Variants in MMP17 observed in about 807,000 individuals in gnomAD.
MMP17 encodes matrix metalloproteinase-17.
A neutral mutation model predicts 49.1 loss-of-function variants in MMP17; 54 were observed. The observed-to-expected ratio is 1.10, with a 90% confidence interval of 0.88 to 1.38. The LOEUF (loss-of-function observed/expected upper bound fraction) is 1.38, where lower values mean the gene tolerates loss of function less well. Among genes scored for constraint, MMP17 ranks in the 40% most tolerant of loss-of-function variants. MMP17 has a pLI of 0.00. For synonymous variants in MMP17, 397 were observed against 383.1 expected (o/e 1.04, Z -0.42); for missense variants, 837 against 853.7 (o/e 0.98, Z 0.24).
Position 131,828,618 on chromosome 12 carries a change from C to T in MMP17, c.124C>T (p.Pro42Ser), listed in dbSNP as rs1213705387. 2.4e-6 allele frequency: 2 copies of T among 820,392 alleles called. No homozygotes were observed. The highest frequency in any genetic ancestry group is 3.0e-6 in the Non-Finnish European group (2 of 659,848). The allele number at this position is 820,392 out of a possible 1,614,324, so 50.8% of individuals were successfully genotyped here. Reference sequence around the variant, plus strand: ...CCGCGGGGGCTGCGCCGCGCCCGCACCCGCGCCGCGCGCCGAGGACCTCAG... The same window carrying T: ...CCGCGGGGGCTGCGCCGCGCCCGCATCCGCGCCGCGCGCCGAGGACCTCAG... Reference protein sequence around the residue: ...GTRGGCAAPAPAPRAEDLSLG... With the variant: ...GTRGGCAAPASAPRAEDLSLG... The change falls in exon 1 of 10, where the codon CCC (proline) becomes TCC (serine). Residue 42 changes from proline (P) to serine (S), a missense_variant. By Grantham distance (74) the Pro-to-Ser change is moderately conservative. Transcript: ENST00000360564.
At position 131,831,179 on chromosome 12, in the gene MMP17, C is replaced by T. The variant is rs559264657; in HGVS notation, c.159+2526C>T. Among the ~76,000 whole-genome samples the T allele has an allele frequency of 2.4e-4, 36 of 152,338 alleles. No individual in the cohort carries two copies. In the South Asian group the frequency reaches 6.8e-3, roughly 29 times the overall value. On this transcript the variant is annotated intron_variant, in intron 1 of 9. Transcript: ENST00000360564. The stretch of plus-strand genomic sequence containing the variant: ...TTCTGGCCAGAACTTCCCGGACTCG[C>T]GGCGAGAGTGTCTCGGGATCTGGGT...
intron 2 of MMP17, 114 bp from the exon 3 acceptor site, chr12:131,838,497 AG>A: frequency 6.8e-7 from 1 of 1,465,344 alleles, no homozygotes. Context: ...ACGTGGGAGG[AG>A]GGGGCGGCTC....
At chr12:131,838,419 T>C (rs1887196401) in intron 2 of MMP17, 92 bp downstream of exon 2, 20 of 1,514,436 alleles carry the variant, frequency 1.3e-5, no homozygotes, top group Non-Finnish European at 1.8e-5. Context: ...CAGTCCCGTC[T>C]TATGCTTGAA....
At chr12:131,834,341 C>T (rs1886968805) in intron 1 of MMP17, among the ~76,000 whole-genome samples, 2 of 152,102 alleles carry the variant, frequency 1.3e-5, no homozygotes, top group South Asian at 2.1e-4. Flanking sequence ...GTTCACCCTG[C>T]TGCTGCTGCA....
intron 1 of MMP17, among the ~76,000 whole-genome samples, chr12:131,836,284 T>G (rs928890884): frequency 1.3e-5 from 2 of 152,038 alleles, no homozygotes; most frequent in African/African-American, 4.8e-5. Context: ...GTGAGGCCCC[T>G]CCTGGCCAGC....
Position 131,844,021 on chromosome 12 carries a change from C to T in MMP17, c.908C>T (p.Thr303Met), listed in dbSNP as rs576958364. Residue 303 changes from threonine (T) to methionine (M), a missense_variant, in exon 6 of 10, where the codon ACG becomes ATG. Physicochemically the swap from Thr to Met is moderately conservative, Grantham distance 81. Transcript: ENST00000360564. ...GGTGTGCGGGAGTCTGTGTCTCCCA[C>T]GGCGCAGCCCGAGGAGCCTCCCCTG... Reference protein sequence around the residue: ...LYGVRESVSPTAQPEEPPLLP... With the variant: ...LYGVRESVSPMAQPEEPPLLP... 5.7e-5 allele frequency: 90 copies of T among 1,567,266 alleles called. No individual in the cohort carries two copies. In the Admixed American group the frequency reaches 1.5e-3, roughly 26 times the overall value.
intron 8 of MMP17, among the ~76,000 whole-genome samples, chr12:131,848,005 A>G (rs1038113357): frequency 6.6e-6 from 1 of 151,878 alleles, no homozygotes; most frequent in African/African-American, 2.4e-5. Context: ...CCCTCCCCCT[A>G]TTTACAGACA....
rs568234055 is a variant in MMP17 at position 131,851,602 on chromosome 12, G to A, written c.*328G>A. Reference sequence around the variant, plus strand: ...CTGGGGGCCCACCCCTCTCTGTGCCGGCGCCACCAACCCCACCCACACTGC... The same window carrying A: ...CTGGGGGCCCACCCCTCTCTGTGCCAGCGCCACCAACCCCACCCACACTGC... On this transcript the variant is annotated 3_prime_UTR_variant, in exon 10 of 10. Coordinates refer to ENST00000360564, the MANE Select transcript of MMP17 (RefSeq NM_016155.7). 166 of 297,030 alleles carry A rather than the reference G, an allele frequency of 5.6e-4. 3 individuals are homozygous for A. In the East Asian group the frequency reaches 8.2e-3, roughly 15 times the overall value. 18.4% of individuals were successfully genotyped at this position (297,030 alleles called of 1,614,324 possible). A position where few individuals can be genotyped will look rare whatever the true frequency, so the allele number is the denominator to read the frequency against.
At chr12:131,841,907 C>T (rs1363394099) in intron 5 of MMP17, 107 bp downstream of exon 5, 2 of 1,264,566 alleles carry the variant, frequency 1.6e-6, no homozygotes, top group Non-Finnish European at 2.1e-6. Context: ...CCCCGCTGTT[C>T]CCTCCACGGA....
In MMP17 at chr12:131,840,567, C is replaced by T. The variant is rs1887336279; in HGVS notation, c.423-6C>T. The T allele has an allele frequency of 3.2e-6, 5 of 1,572,724 alleles. No individual in the cohort carries two copies. The highest frequency in any genetic ancestry group is 1.7e-6 in the Non-Finnish European group (2 of 1,157,840). ...TGACTCACTCTGGGCTGACCCCTGC[C>T]TGCAGGGTCCGGACGTTCCCACGGG... On this transcript the variant is annotated splice_polypyrimidine_tract_variant and splice_region_variant and intron_variant, in intron 3 of 9. Transcript: ENST00000360564.
At chr12:131,840,481 C>T (rs1409148562) in intron 3 of MMP17, 92 bp from the exon 4 acceptor site, 1 of 1,401,788 alleles carries the variant, frequency 7.1e-7, no homozygotes, top group Non-Finnish European at 9.6e-7. Context: ...CATAGGGGCA[C>T]CCCCGGGCTG....
In MMP17 at chr12:131,838,118, G is replaced by A. The variant is rs1235873016; in HGVS notation, c.160-77G>A. Reference sequence around the variant, plus strand: ...GGGAGGGGGCCTGCCCGGAAGCAGTGGTGGCCCGTGGCAGGCTTCTCACTG... The same window carrying A: ...GGGAGGGGGCCTGCCCGGAAGCAGTAGTGGCCCGTGGCAGGCTTCTCACTG... On this transcript the variant is annotated intron_variant, in intron 1 of 9. Coordinates refer to ENST00000360564, the MANE Select transcript of MMP17 (RefSeq NM_016155.7). 6.0e-6 allele frequency: 9 copies of A among 1,500,198 alleles called. No homozygotes were observed. In the East Asian group the frequency reaches 2.1e-4, roughly 35 times the overall value. 92.9% of individuals were successfully genotyped at this position (1,500,198 alleles called of 1,614,324 possible).
intron 5 of MMP17, 53 bp from the exon 6 acceptor site, chr12:131,843,944 G>C: frequency 7.5e-7 from 1 of 1,329,744 alleles, no homozygotes; most frequent in South Asian, 1.3e-5. Flanking sequence ...GTGGGATGTG[G>C]GGGGAGGCGG....
In MMP17 at chr12:131,849,786, T is replaced by C. The variant is rs776900236; in HGVS notation, c.1205-16T>C. 1 of 1,602,754 alleles carries C rather than the reference T, an allele frequency of 6.2e-7. No homozygotes were observed. On this transcript the variant is annotated splice_polypyrimidine_tract_variant and intron_variant, in intron 8 of 9. Transcript: ENST00000360564. ...GGGGCCGAGCCCCGGCCCACAGCTG[T>C]TTCTCTCGCCCCCAGGAGACAGGTA...
chr12:131,843,367 T>G (rs1887523236), intron 5 of MMP17, among the ~76,000 whole-genome samples: 1 of 146,208 alleles, frequency 6.8e-6, no homozygotes, highest in Non-Finnish European at 1.5e-5. Flanking sequence ...TGACTCAGCC[T>G]CCTGAACAGC....
chr12:131,838,189 C>T lies in MMP17; in HGVS notation c.160-6C>T. 1 of 1,611,396 alleles carries T rather than the reference C, an allele frequency of 6.2e-7. No individual in the cohort carries two copies. The highest frequency in any genetic ancestry group is 8.5e-7 in the Non-Finnish European group (1 of 1,178,880). Reference sequence around the variant, plus strand: ...TGCACCCCCTCACCCTGCTCTCTGCCCTCAGGAGTGGCTAAGCAGGTTCGG... The same window carrying T: ...TGCACCCCCTCACCCTGCTCTCTGCTCTCAGGAGTGGCTAAGCAGGTTCGG... On this transcript the variant is annotated splice_polypyrimidine_tract_variant and splice_region_variant and intron_variant, in intron 1 of 9. Coordinates refer to ENST00000360564, the MANE Select transcript of MMP17 (RefSeq NM_016155.7).
chr12:131,851,201 C>T lies in MMP17; in HGVS notation c.1739C>T (p.Ala580Val), dbSNP rs1024293017. 2.1e-6 allele frequency: 3 copies of T among 1,459,846 alleles called. No individual in the cohort carries two copies. Among genetic ancestry groups the T allele is most frequent in the Non-Finnish European group, 1.8e-6 (2 of 1,103,868 alleles). 90.4% of individuals were successfully genotyped at this position (1,459,846 alleles called of 1,614,324 possible). The change falls in exon 10 of 10, where the codon GCC becomes GTC. Residue 580 changes from alanine to valine, a missense_variant. Transcript: ENST00000360564. The stretch of plus-strand genomic sequence containing the variant: ...GGGGCCCCAGGCCCACTGGTGGCTG[C>T]CACCATGCTGCTGCTGCTGCCGCCA... ...PPGAPGPLVA[A>V]TMLLLLPPLS...
At chr12:131,845,691 T>C (rs1887672393) in intron 8 of MMP17, among the ~76,000 whole-genome samples, 1 of 152,212 alleles carries the variant, frequency 6.6e-6, no homozygotes, top group South Asian at 2.1e-4. Flanking sequence ...GCCCTCGTTC[T>C]AGTCAGGCCA....
chr12:131,841,894 T>C, intron 5 of MMP17, 94 bp downstream of exon 5: 2 of 1,357,478 alleles, frequency 1.5e-6, no homozygotes, highest in Non-Finnish European at 2.0e-6. Flanking sequence ...GAGGGTTTGC[T>C]CTCCCCGCTG....
Sources: gnomAD v4.1 joint callset for allele counts (sites outside exome capture counted in the v4.1 genomes callset) on GRCh38, gnomAD v4.1.1 for gene constraint, MANE v1.5 for transcripts, NCBI Gene and HGNC (gene_info 2026-07-23, HGNC 2026-07-21) for gene names.